GC: variants seen among roughly 807,000 people sequenced by gnomAD.
The protein encoded by GC is vitamin D-binding protein.
GC carries 43 observed loss-of-function variants against 56.7 expected under a neutral mutation model. The observed-to-expected ratio is 0.76, with a 90% CI of 0.59 to 0.98. The LOEUF (loss-of-function observed/expected upper bound fraction) is 0.98. Ranked by LOEUF, GC falls within the 50% of genes least tolerant of loss-of-function variation. The probability of loss-of-function intolerance (pLI) is 0.00; values close to 1 mark genes in which losing one functional copy is unlikely to be tolerated. For missense variants in GC, 529 were observed against 545.9 expected (o/e 0.97, Z 0.31); for synonymous variants, 216 against 202.7 (o/e 1.07, Z -0.56).
Position 71,767,450 on chromosome 4 carries a change from G to A in GC, c.261+851C>T, listed in dbSNP as rs528012513. The stretch of plus-strand genomic sequence containing the variant: ...TAGAATTCAGTTATGTGCATACAGG[G>A]CAACTTTTGAATCCTCCTTCCAAAT... On this transcript the variant is annotated intron_variant, in intron 3 of 12. Transcript: ENST00000273951. Among the ~76,000 whole-genome samples the A allele has an allele frequency of 3.3e-5, 5 of 151,986 alleles. No homozygotes were observed. In the South Asian group the frequency reaches 8.3e-4, roughly 25 times the overall value.
At chr4:71,783,608 A>G (rs1742754437) in intron 1 of GC, among the ~76,000 whole-genome samples, 1 of 151,832 alleles carries the variant, frequency 6.6e-6, no homozygotes, top group South Asian at 2.1e-4. Context: ...TAAATGCTTA[A>G]TGGTGGATCA....
Position 71,755,121 on chromosome 4 carries a change from G to C in GC, c.1035-14C>G. On this transcript the variant is annotated splice_polypyrimidine_tract_variant and intron_variant, in intron 8 of 12. Transcript: ENST00000273951. ...TCAAATGTATACCTAGCATGAGGGA[G>C]AAAAGGAGATATGTGTTATATATTT... The C allele has an allele frequency of 7.1e-7, 1 of 1,408,962 alleles. No individual in the cohort carries two copies. The highest frequency in any genetic ancestry group is 9.7e-7 in the Non-Finnish European group (1 of 1,032,864). The allele number at this position is 1,408,962 out of a possible 1,614,324, so 87.3% of individuals were successfully genotyped here.
chr4:71,757,050 A>G, intron 7 of GC, 136 bp from the exon 8 acceptor site: 2 of 624,614 alleles, frequency 3.2e-6, no homozygotes, highest in Non-Finnish European at 5.6e-6. Context: ...GAAAATTGGT[A>G]CAATATTTGG....
intron 6 of GC, 123 bp from the exon 7 acceptor site, chr4:71,758,294 G>T: frequency 1.3e-6 from 1 of 774,982 alleles, no homozygotes; most frequent in Non-Finnish European, 2.1e-6. Context: ...AGAGATGCAT[G>T]GGAGCACATC....
At chr4:71,754,312 C>T in intron 10 of GC, 99 bp downstream of exon 10, 1 of 645,930 alleles carries the variant, frequency 1.5e-6, no homozygotes, top group Non-Finnish European at 2.7e-6. Flanking sequence ...TTGTTGTTCA[C>T]TGAAGACAAG....
intron 12 of GC, among the ~76,000 whole-genome samples, chr4:71,745,506 T>A (rs1350410203): frequency 6.6e-6 from 1 of 152,190 alleles, no homozygotes; most frequent in Non-Finnish European, 1.5e-5. Context: ...AGAACTGAGA[T>A]CCAAACAAGT....
chr4:71,773,624 A>G (rs1353292459), intron 1 of GC, among the ~76,000 whole-genome samples: 1 of 152,038 alleles, frequency 6.6e-6, no homozygotes, highest in African/African-American at 2.4e-5. Context: ...TGCCTTCACT[A>G]TTACTAGTCT....
At chr4:71,792,504 G>C (rs553240072) in intron 1 of GC, among the ~76,000 whole-genome samples, 92 of 152,134 alleles carry the variant, frequency 6.0e-4, no homozygotes, top group African/African-American at 2.2e-3. Flanking sequence ...TTTTGATGGG[G>C]CTCTTTGTTT....
At chr4:71,769,534 A>G (rs750035342) in intron 1 of GC, 134 bp from the exon 2 acceptor site, 3 of 614,926 alleles carry the variant, frequency 4.9e-6, no homozygotes, top group Non-Finnish European at 8.6e-6. Flanking sequence ...ATGCAATTTC[A>G]TATTTTGGGG....
chr4:71,781,845 A>G (rs988148184), intron 1 of GC, among the ~76,000 whole-genome samples: 4 of 151,808 alleles, frequency 2.6e-5, no homozygotes, highest in African/African-American at 9.7e-5. Context: ...ATGCTGTTTG[A>G]TAGGAGAGGG....
At chr4:71,782,606 G>A (rs550205552) in intron 1 of GC, among the ~76,000 whole-genome samples, 1 of 151,854 alleles carries the variant, frequency 6.6e-6, no homozygotes, top group South Asian at 2.1e-4. Context: ...ATTCTCCAAA[G>A]GACACTTTCA....
At position 71,746,772 on chromosome 4, in the gene GC, T is replaced by TAAAAA. The variant is rs34865299; in HGVS notation, c.1396-572_1396-568dup. Among the ~76,000 whole-genome samples the TAAAAA allele has an allele frequency of 7.5e-4, 75 of 100,566 alleles. 2 individuals are homozygous for TAAAAA. The highest frequency in any genetic ancestry group is 5.0e-3 in the East Asian group (15 of 3,014). 66.0% of individuals were successfully genotyped at this position (100,566 alleles called of 152,430 possible). On this transcript the variant is annotated intron_variant, in intron 11 of 12. Coordinates refer to ENST00000273951, the MANE Select transcript of GC (RefSeq NM_000583.4). ...CAAGGTCCAAAATACCTCTATTTTG[T>TAAAAA]AAAAAAAAAAAAAAAAAAAAAAACT...
intron 11 of GC, among the ~76,000 whole-genome samples, chr4:71,746,784 A>AAAAAAAAAAAAAAAAAACAAAC (rs1553946448): frequency 2.0e-5 from 3 of 150,984 alleles, no homozygotes; most frequent in African/African-American, 7.3e-5. Context: ...AAAAAAAAAA[A>AAAAAAAAAAAAAAAAAACAAAC]AAAAAAAAAA....
Position 71,756,782 on chromosome 4 carries a change from C to G in GC, c.964G>C (p.Glu322Gln), listed in dbSNP as rs375201505. Reference protein sequence around the residue: ...TYFMPAAQLPELPDVELPTNK... With the variant: ...TYFMPAAQLPQLPDVELPTNK... The stretch of plus-strand genomic sequence containing the variant: ...GTGGGCAACTCTACATCTGGAAGCT[C>G]GGGGAGTTGGGCAGCTGGCATGAAG... Residue 322 changes from glutamate (E) to glutamine (Q), a missense_variant, in exon 8 of 13, where the codon GAG (glutamate) becomes CAG (glutamine). Physicochemically the swap from Glu to Gln is conservative, Grantham distance 29 (BLOSUM62 2). Transcript: ENST00000273951. 6.2e-7 allele frequency: 1 copy of G among 1,613,622 alleles called. No individual in the cohort carries two copies. Among genetic ancestry groups the G allele is most frequent in the Admixed American group, 1.7e-5 (1 of 59,958 alleles).
intron 1 of GC, among the ~76,000 whole-genome samples, chr4:71,782,145 T>G (rs1742700974): frequency 6.6e-6 from 1 of 151,736 alleles, no homozygotes; most frequent in Non-Finnish European, 1.5e-5. Flanking sequence ...GTAATATATT[T>G]TGAAACAGGT....
At position 71,766,056 on chromosome 4, in the gene GC, G is replaced by A. The variant is rs1197565385; in HGVS notation, c.262-413C>T. ...CTTTCTGCTGTAAATGCCCCAATAAGAGTGAGGAGGACCTCCCTCTGTTTA... is the reference window on the plus strand; with the variant it reads ...CTTTCTGCTGTAAATGCCCCAATAAAAGTGAGGAGGACCTCCCTCTGTTTA... On this transcript the variant is annotated intron_variant, in intron 3 of 12. Transcript: ENST00000273951. Among the ~76,000 whole-genome samples, 4 of 152,142 alleles carry A rather than the reference G, an allele frequency of 2.6e-5. No homozygotes were observed. The East Asian group carries it at 5.8e-4, about 22-fold the overall frequency.
chr4:71,758,298 G>T, intron 6 of GC, 127 bp from the exon 7 acceptor site: 1 of 735,548 alleles, frequency 1.4e-6, no homozygotes, highest in Non-Finnish European at 2.3e-6. Context: ...ATGCATGGGA[G>T]CACATCTGCC....
upstream of GC, chr4:71,804,074 A>G (rs1382134995): frequency 4.3e-6 from 3 of 701,058 alleles, no homozygotes; most frequent in Non-Finnish European, 5.1e-6. Context: ...TTAGACAAAG[A>G]TTTGTATGCA....
intron 1 of GC, among the ~76,000 whole-genome samples, chr4:71,800,192 G>C (rs1241046973): frequency 6.6e-6 from 1 of 151,882 alleles, no homozygotes. Flanking sequence ...TAGGTATTAA[G>C]CCCTGCATGC....
Sources: allele counts gnomAD v4.1 joint callset (sites outside exome capture counted in the v4.1 genomes callset), GRCh38; gene constraint gnomAD v4.1.1; transcripts MANE v1.5; gene names NCBI Gene and HGNC (gene_info 2026-07-23, HGNC 2026-07-21).